XRCC5: variants seen among roughly 807,000 people sequenced by gnomAD.
The protein encoded by XRCC5 is DNA repair protein Ku80.
XRCC5 carries 12 observed loss-of-function variants against 95.7 expected under a neutral mutation model. The ratio of observed to expected loss-of-function variants is 0.13; its 90% CI spans 0.08 to 0.20. The LOEUF is 0.20. Among genes scored for constraint, XRCC5 ranks in the 10% least tolerant of loss-of-function variants. The pLI, the probability that XRCC5 is intolerant of heterozygous loss-of-function variation, is 1.00. For missense variants in XRCC5, 595 were observed against 873.9 expected (o/e 0.68, Z 4.02); for synonymous variants, 281 against 290.3 (o/e 0.97, Z 0.33).
At chr2:216,167,865 T>C (rs2106031250) in intron 16 of XRCC5, among the ~76,000 whole-genome samples, 1 of 152,310 alleles carries the variant, frequency 6.6e-6, no homozygotes, top group African/African-American at 2.4e-5. Flanking sequence ...ACTTTTTTAG[T>C]CCTTTCTCCA....
At chr2:216,109,938 C>A (rs1308568402) in intron 1 of XRCC5, among the ~76,000 whole-genome samples, 1 of 152,206 alleles carries the variant, frequency 6.6e-6, no homozygotes, top group Admixed American at 6.5e-5. Context: ...AACTGTAAAG[C>A]GTCGTATTAT....
At chr2:216,173,039 T>C (rs1192837902) in intron 16 of XRCC5, among the ~76,000 whole-genome samples, 1 of 152,162 alleles carries the variant, frequency 6.6e-6, no homozygotes, top group African/African-American at 2.4e-5. Flanking sequence ...TTTTGGATTA[T>C]TTGTTGCTGG....
In XRCC5 at chr2:216,205,305, A is replaced by C; in HGVS notation, c.*103A>C. 1,947 of 1,411,558 alleles carry C rather than the reference A, an allele frequency of 1.4e-3. No individual in the cohort carries two copies. The highest frequency in any genetic ancestry group is 1.8e-3 in the Non-Finnish European group (1,788 of 996,116). 87.4% of individuals were successfully genotyped at this position (1,411,558 alleles called of 1,614,324 possible). ...GCCATTCAAGGGGAGCCAAAATCTC[A>C]AGAAATTCCCAGCAGGTTACCTGGA... On this transcript the variant is annotated 3_prime_UTR_variant, in exon 21 of 21. Transcript: ENST00000392132.
chr2:216,146,790 C>T (rs778810641), intron 13 of XRCC5, among the ~76,000 whole-genome samples: 7 of 152,172 alleles, frequency 4.6e-5, no homozygotes, highest in Non-Finnish European at 1.0e-4. Flanking sequence ...TTTGCCCTGG[C>T]CTTGATCTTG....
intron 14 of XRCC5, among the ~76,000 whole-genome samples, chr2:216,150,130 A>G (rs970769937): frequency 6.6e-6 from 1 of 152,160 alleles, no homozygotes; most frequent in Non-Finnish European, 1.5e-5. Flanking sequence ...AATTGCCAAC[A>G]ATTCGCAATG....
rs568985322 is a variant in XRCC5, at chr2:216,137,130, G to A, written c.1156G>A (p.Asp386Asn). 6.2e-7 allele frequency: 1 copy of A among 1,613,868 alleles called. No individual in the cohort carries two copies. Among genetic ancestry groups the A allele is most frequent in the East Asian group, 2.2e-5 (1 of 44,874 alleles). ...ALSSLIHALD[D>N]LDMVAIVRYA... ...TTCCTCCCTGATTCATGCTTTGGAT[G>A]ACTTAGACATGGTGGCCATAGTTCG... Residue 386 changes from aspartate (D) to asparagine (N), a missense_variant, in exon 11 of 21, where the codon GAC (aspartate) becomes AAC (asparagine). By Grantham distance (23) the Asp-to-Asn change is conservative. This residue lies in a region of XRCC5 where 286 missense variants were observed against 491.1 expected (regional missense o/e 0.58). Coordinates refer to ENST00000392132, the MANE Select transcript of XRCC5 (RefSeq NM_021141.4).
intron 6 of XRCC5, 96 bp downstream of exon 6, chr2:216,122,349 A>C: frequency 8.6e-7 from 1 of 1,159,088 alleles, no homozygotes; most frequent in Non-Finnish European, 1.2e-6. Context: ...TTTCTGGGCC[A>C]CTCTCTAATT....
chr2:216,170,162 G>C (rs566021228), intron 16 of XRCC5, among the ~76,000 whole-genome samples: 79 of 151,532 alleles, frequency 5.2e-4, no homozygotes, highest in Non-Finnish European at 1.0e-3. Context: ...TTTCATCAGT[G>C]GGGAGCTTAG....
In XRCC5 at chr2:216,109,403, G is replaced by C; in HGVS notation, c.-34G>C. ...TTGCGACACGGCAGGTTCCCGCCCG[G>C]AAGAAGCGACCAAAGCGCCTGAGGA... On this transcript the variant is annotated 5_prime_UTR_variant, in exon 1 of 21. Transcript: ENST00000392132. 1 of 1,613,670 alleles carries C rather than the reference G, an allele frequency of 6.2e-7. No homozygotes were observed. The highest frequency in any genetic ancestry group is 8.5e-7 in the Non-Finnish European group (1 of 1,179,794).
chr2:216,148,055 G>GT, intron 13 of XRCC5, 28 bp from the exon 14 acceptor site: 1 of 1,592,710 alleles, frequency 6.3e-7, no homozygotes, highest in African/African-American at 1.4e-5. Context: ...CTCCATCTGT[G>GT]TTTTAAAATC....
In XRCC5 at chr2:216,122,139, C is replaced by G. The variant is rs750133011; in HGVS notation, c.569C>G (p.Pro190Arg). ...CCCTTTCGCTTAGGTGGCCATGGGC[C>G]TTCCTTTCCACTAAAAGGAATTACC... The part of the protein sequence containing the change: ...DGPFRLGGHG[P>R]SFPLKGITEQ... Residue 190 changes from proline to arginine, a missense_variant, in exon 6 of 21, where the codon CCT becomes CGT. By Grantham distance (103) the Pro-to-Arg change is moderately radical. Coordinates refer to ENST00000392132, the MANE Select transcript of XRCC5 (RefSeq NM_021141.4). 1.2e-5 allele frequency: 19 copies of G among 1,613,992 alleles called. No homozygotes were observed. The Admixed American group carries it at 3.2e-4, about 27-fold the overall frequency.
At chr2:216,171,069 A>G (rs1408041496) in intron 16 of XRCC5, among the ~76,000 whole-genome samples, 1 of 152,222 alleles carries the variant, frequency 6.6e-6, no homozygotes. Flanking sequence ...TGCTGGTGGC[A>G]AACAACAGAC....
intron 10 of XRCC5, among the ~76,000 whole-genome samples, chr2:216,135,445 T>C (rs1697059524): frequency 6.6e-6 from 1 of 152,104 alleles, no homozygotes; most frequent in Non-Finnish European, 1.5e-5. Context: ...CGTGATGAGC[T>C]CTGGGAACAG....
intron 16 of XRCC5, among the ~76,000 whole-genome samples, chr2:216,170,222 CT>C (rs1559255147): frequency 6.6e-6 from 1 of 151,968 alleles, no homozygotes; most frequent in African/African-American, 2.4e-5. Flanking sequence ...TTCCTGAGAG[CT>C]TTTTAAAAAG....
At chr2:216,199,970 G>C (rs550835926) in intron 19 of XRCC5, among the ~76,000 whole-genome samples, 4 of 151,854 alleles carry the variant, frequency 2.6e-5, no homozygotes, top group Non-Finnish European at 5.9e-5. Flanking sequence ...GACATTTATG[G>C]ATTTTCCACC....
At chr2:216,126,833 A>C (rs1336178602) in intron 7 of XRCC5, among the ~76,000 whole-genome samples, 6 of 151,876 alleles carry the variant, frequency 4.0e-5, no homozygotes, top group Admixed American at 3.3e-4. Flanking sequence ...GAATGTGAAT[A>C]TAGTCTCCCT....
intron 8 of XRCC5, among the ~76,000 whole-genome samples, chr2:216,129,679 G>A (rs1364768915): frequency 6.6e-6 from 1 of 152,116 alleles, no homozygotes; most frequent in Non-Finnish European, 1.5e-5. Flanking sequence ...AAATAAAAAT[G>A]TGTTTCTATT....
At chr2:216,115,741 G>C (rs1031545906) in intron 2 of XRCC5, among the ~76,000 whole-genome samples, 2 of 151,786 alleles carry the variant, frequency 1.3e-5, no homozygotes, top group African/African-American at 4.8e-5. Context: ...AGGCAAATAT[G>C]GAGAATATAC....
At chr2:216,172,541 T>G (rs946878985) in intron 16 of XRCC5, among the ~76,000 whole-genome samples, 3 of 146,764 alleles carry the variant, frequency 2.0e-5, no homozygotes, top group African/African-American at 7.6e-5. Flanking sequence ...CGATCCTAGC[T>G]CACTGTAGCC....
Sources: allele counts gnomAD v4.1 joint callset (sites outside exome capture counted in the v4.1 genomes callset), GRCh38; gene constraint gnomAD v4.1.1; regional missense constraint gnomAD v4.1.1; transcripts MANE v1.5; gene names NCBI Gene and HGNC (gene_info 2026-07-23, HGNC 2026-07-21).